Variants in ADCY1 observed in about 807,000 individuals in gnomAD.
The protein encoded by ADCY1 is adenylate cyclase 1.
Under a neutral mutation model 105.4 loss-of-function variants are expected in ADCY1, and 28 were observed. That is an observed-to-expected ratio of 0.27 (90% CI 0.20 to 0.36). ADCY1 has a LOEUF of 0.36. Ranked by LOEUF, ADCY1 falls within the 10% of genes least tolerant of loss-of-function variation. ADCY1 has a pLI of 1.00. For synonymous variants in ADCY1, 655 were observed against 623.8 expected (o/e 1.05, Z -0.75); for missense variants, 977 against 1,434.2 (o/e 0.68, Z 5.15).
chr7:45,666,880 G>A (rs1188121762), intron 8 of ADCY1, among the ~76,000 whole-genome samples: 1 of 152,216 alleles, frequency 6.6e-6, no homozygotes, highest in African/African-American at 2.4e-5. Flanking sequence ...GATGGCCAGT[G>A]ATGATGAGCA....
chr7:45,586,739 G>T (rs913168095), intron 1 of ADCY1, among the ~76,000 whole-genome samples: 11 of 152,310 alleles, frequency 7.2e-5, no homozygotes, highest in African/African-American at 2.6e-4. Flanking sequence ...TCAGGGAGGG[G>T]GACAGAGGGA....
chr7:45,699,885 C>T (rs1784963552), intron 14 of ADCY1, among the ~76,000 whole-genome samples: 1 of 152,144 alleles, frequency 6.6e-6, no homozygotes, highest in South Asian at 2.1e-4. Context: ...AGATCCAGGC[C>T]AGTGGACACC....
At chr7:45,713,396 C>T (rs1785303228) in intron 19 of ADCY1, among the ~76,000 whole-genome samples, 1 of 152,248 alleles carries the variant, frequency 6.6e-6, no homozygotes, top group Non-Finnish European at 1.5e-5. Flanking sequence ...TGAACATTGC[C>T]TCCTCCTATT....
At position 45,583,320 on chromosome 7, in the gene ADCY1, A is replaced by G. The variant is rs114028341; in HGVS notation, c.639+8138A>G. Among the ~76,000 whole-genome samples the G allele has an allele frequency of 2.4e-3, 365 of 152,352 alleles. 2 individuals are homozygous for G. The highest frequency in any genetic ancestry group is 8.2e-3 in the African/African-American group (341 of 41,584). ...GTAACATTTAGAGGAACCTGGGAGC[A>G]GGTGGACAGGATGCTGCCAGCAGTG... On this transcript the variant is annotated intron_variant, in intron 1 of 19. Coordinates refer to ENST00000297323, the MANE Select transcript of ADCY1 (RefSeq NM_021116.4).
At position 45,587,804 on chromosome 7, in the gene ADCY1, C is replaced by T. The variant is rs941532961; in HGVS notation, c.640-4955C>T. On this transcript the variant is annotated intron_variant, in intron 1 of 19. Transcript: ENST00000297323. ...TCAGCAGGAGGCCTCAGAGGACATG[C>T]CCTCACTGCATTGTGTCAGGGCACT... 5.3e-4 allele frequency among the ~76,000 whole-genome samples: 81 copies of T among 152,128 alleles called. 1 individual carries two copies. Among genetic ancestry groups the T allele is most frequent in the African/African-American group, 1.9e-3 (79 of 41,406 alleles).
chr7:45,610,341 G>T, intron 2 of ADCY1, 38 bp from the exon 3 acceptor site: 2 of 1,573,558 alleles, frequency 1.3e-6, no homozygotes, highest in Admixed American at 1.7e-5. Context: ...GAGGGAGGGG[G>T]CCCTGCTGTC....
At position 45,710,481 on chromosome 7, in the gene ADCY1, T is replaced by C. The variant is rs1395415523; in HGVS notation, c.2933-47T>C. 2 of 1,595,496 alleles carry C rather than the reference T, an allele frequency of 1.3e-6. No individual in the cohort carries two copies. Among genetic ancestry groups the C allele is most frequent in the East Asian group, 4.5e-5 (2 of 43,990 alleles). On this transcript the variant is annotated intron_variant, in intron 18 of 19. Transcript: ENST00000297323. The surrounding 1 kb of genome is among the most constrained non-coding windows in gnomAD (Gnocchi z 4.7). ...CATTTGGTGGCCCTGGTGGGGTGAG[T>C]TACACTTTTCCCGCTGATGACAGGT...
chr7:45,624,423 T>C (rs749042232), intron 4 of ADCY1, among the ~76,000 whole-genome samples: 56 of 152,160 alleles, frequency 3.7e-4, no homozygotes, highest in Admixed American at 2.0e-3. Context: ...AGAAAAGGTC[T>C]TGAGATCCAG....
chr7:45,610,817 TATG>T (rs1562687192), intron 3 of ADCY1, among the ~76,000 whole-genome samples: 47 of 48,374 alleles, frequency 9.7e-4, no homozygotes, highest in South Asian at 1.8e-3. Context: ...ATGGTGGAGG[TATG>T]GAGGTGATAG....
intron 14 of ADCY1, among the ~76,000 whole-genome samples, chr7:45,690,556 C>G (rs1212700837): frequency 2.0e-5 from 3 of 152,236 alleles, no homozygotes; most frequent in Admixed American, 2.0e-4. Context: ...AAGTAGGAGG[C>G]CCAGGACCCT....
intron 4 of ADCY1, among the ~76,000 whole-genome samples, chr7:45,635,139 T>TG (rs1760098652): frequency 3.5e-5 from 2 of 57,308 alleles, no homozygotes; most frequent in Admixed American, 2.8e-4. Flanking sequence ...GTGAGGTCAG[T>TG]TTTTTTTTTT....
intron 5 of ADCY1, among the ~76,000 whole-genome samples, chr7:45,656,995 C>T (rs773558671): frequency 1.3e-5 from 2 of 152,240 alleles, no homozygotes; most frequent in Non-Finnish European, 1.5e-5. Context: ...AGATGGGCAT[C>T]GTGTACCCAA....
At position 45,575,498 on chromosome 7, in the gene ADCY1, G is replaced by A. The variant is rs1326609465; in HGVS notation, c.639+316G>A. On this transcript the variant is annotated intron_variant, in intron 1 of 19. Coordinates refer to ENST00000297323, the MANE Select transcript of ADCY1 (RefSeq NM_021116.4). The surrounding 1 kb of genome is among the most constrained non-coding windows in gnomAD (Gnocchi z 4.7). ...GAGCGGCCAGACGGCGGCCAGAGGG[G>A]TCCGCCGGTCTTTTGCCGCACCCAT... Among the ~76,000 whole-genome samples the A allele has an allele frequency of 6.6e-6, 1 of 152,250 alleles. No individual in the cohort carries two copies. Among genetic ancestry groups the A allele is most frequent in the Admixed American group, 6.5e-5 (1 of 15,292 alleles).
At chr7:45,711,889 T>TTTATTATATTAAATATATAAATATA (rs1562735905) in intron 19 of ADCY1, among the ~76,000 whole-genome samples, 140 of 92,128 alleles carry the variant, frequency 1.5e-3, no homozygotes, top group African/African-American at 6.1e-3. Flanking sequence ...TATAAATATA[T>TTTATTATATTAAATATATAAATATA]TTATATATTA....
chr7:45,617,737 A>C (rs546669537), intron 3 of ADCY1, among the ~76,000 whole-genome samples: 10 of 152,370 alleles, frequency 6.6e-5, no homozygotes, highest in African/African-American at 2.4e-4. Flanking sequence ...ATTGACAAGG[A>C]CACATAAAAA....
chr7:45,615,133 A>C (rs1793702932), intron 3 of ADCY1, among the ~76,000 whole-genome samples: 1 of 152,260 alleles, frequency 6.6e-6, no homozygotes, highest in Non-Finnish European at 1.5e-5. Context: ...TAAGTCACAG[A>C]ACAAGTCCTT....
At chr7:45,669,922 A>G (rs1784333043) in intron 8 of ADCY1, among the ~76,000 whole-genome samples, 1 of 152,136 alleles carries the variant, frequency 6.6e-6, no homozygotes, top group African/African-American at 2.4e-5. Context: ...TAGGGTGGGC[A>G]TTCTTTTTTG....
chr7:45,574,631 C>T lies in ADCY1; in HGVS notation c.88C>T (p.Arg30Trp), dbSNP rs1009405655. ...CGAGCGGGCGGCCGGGACAAGCCGCCGGCGCGGGCTCCGGGCGTGCGACGA... is the reference window on the plus strand; with the variant it reads ...CGAGCGGGCGGCCGGGACAAGCCGCTGGCGCGGGCTCCGGGCGTGCGACGA... ...GAERAAGTSR[R>W]RGLRACDEEF... The change falls in exon 1 of 20, where the codon CGG becomes TGG. Residue 30 changes from arginine (R) to tryptophan (W), a missense_variant. Arg to Trp is a moderately radical substitution (Grantham distance 101, BLOSUM62 -3). Coordinates refer to ENST00000297323, the MANE Select transcript of ADCY1 (RefSeq NM_021116.4). The surrounding 1 kb of genome is among the most constrained non-coding windows in gnomAD (Gnocchi z 7.0). The T allele has an allele frequency of 1.5e-5, 18 of 1,200,922 alleles. No homozygotes were observed. The highest frequency in any genetic ancestry group is 1.7e-5 in the Non-Finnish European group (16 of 969,386). 74.4% of individuals were successfully genotyped at this position (1,200,922 alleles called of 1,614,324 possible). A position where few individuals can be genotyped will look rare whatever the true frequency, so the allele number is the denominator to read the frequency against.
intron 4 of ADCY1, among the ~76,000 whole-genome samples, chr7:45,636,525 A>AT (rs1229023396): frequency 6.6e-6 from 1 of 151,904 alleles, no homozygotes. Context: ...CCATCCTTTT[A>AT]TTTTTAGTCT....
Sources: allele counts gnomAD v4.1 joint callset (sites outside exome capture counted in the v4.1 genomes callset), GRCh38; gene constraint gnomAD v4.1.1; non-coding constraint Gnocchi (gnomAD v3.1); transcripts MANE v1.5; gene names NCBI Gene and HGNC (gene_info 2026-07-23, HGNC 2026-07-21).